The following FAT3 variants were observed in gnomAD, a reference collection of about 807,000 sequenced individuals.
FAT3 encodes the protein protocadherin Fat 3.
Under a neutral mutation model 310.2 loss-of-function variants are expected in FAT3, and 95 were observed. The ratio of observed to expected loss-of-function variants is 0.31; its 90% confidence interval spans 0.26 to 0.36. The LOEUF is 0.36. Ranked by LOEUF, FAT3 falls within the 10% of genes least tolerant of loss-of-function variation. The pLI is 1.00. For missense variants in FAT3, 5,408 were observed against 5,715.6 expected, an observed-to-expected ratio of 0.95 and a Z score of 1.74; for synonymous variants, 2,314 against 2,192.9, an observed-to-expected ratio of 1.06 and a Z score of -1.54.
chr11:92,791,096 C>A (rs962654112), intron 8 of FAT3, among the ~76,000 whole-genome samples: 9 of 152,170 alleles, frequency 5.9e-5, no homozygotes, highest in Admixed American at 5.9e-4. Flanking sequence ...CCTTCCCCAA[C>A]AAGAGGAAGC....
chr11:92,389,379 G>A (rs1347574404), intron 2 of FAT3, among the ~76,000 whole-genome samples: 1 of 152,148 alleles, frequency 6.6e-6, no homozygotes, highest in South Asian at 2.1e-4. Flanking sequence ...CTGTCCTGAT[G>A]TCAGGCTAAG....
chr11:92,594,547 T>C (rs1014124954), intron 3 of FAT3, among the ~76,000 whole-genome samples: 2 of 152,180 alleles, frequency 1.3e-5, no homozygotes, highest in African/African-American at 2.4e-5. Flanking sequence ...CCTTAGTCAT[T>C]CATTTATTTA....
intron 3 of FAT3, among the ~76,000 whole-genome samples, chr11:92,634,229 C>G (rs1296467974): frequency 6.6e-6 from 1 of 152,148 alleles, no homozygotes; most frequent in African/African-American, 2.4e-5. Context: ...TCTGACCTAC[C>G]AGGATTTCTT....
chr11:92,332,735 G>A (rs1269542030), intron 1 of FAT3, among the ~76,000 whole-genome samples: 1 of 151,950 alleles, frequency 6.6e-6, no homozygotes, highest in East Asian at 1.9e-4. Flanking sequence ...TGTATTTAAG[G>A]CATACATGAT....
intron 1 of FAT3, among the ~76,000 whole-genome samples, chr11:92,229,492 G>GGTTTTTTTTTTTTTTTTTTTTTT (rs1555062544): frequency 1.7e-5 from 1 of 60,236 alleles, no homozygotes; most frequent in African/African-American, 5.9e-5. Flanking sequence ...GTTTTTTCGT[G>GGTTTTTTTTTTTTTTTTTTTTTT]TTTTTTTTTT....
At chr11:92,805,778 G>A (rs1214872476) in intron 11 of FAT3, among the ~76,000 whole-genome samples, 2 of 152,072 alleles carry the variant, frequency 1.3e-5, no homozygotes, top group South Asian at 2.1e-4. Flanking sequence ...TTATGAAGTG[G>A]CCTTTCTACT....
At chr11:92,379,652 C>T (rs191969992) in intron 2 of FAT3, among the ~76,000 whole-genome samples, 1 of 151,392 alleles carries the variant, frequency 6.6e-6, no homozygotes, top group Non-Finnish European at 1.5e-5. Context: ...TGTGGGTTAT[C>T]TTGGATTTGG....
At chr11:92,628,669 T>C (rs551699239) in intron 3 of FAT3, among the ~76,000 whole-genome samples, 1 of 152,342 alleles carries the variant, frequency 6.6e-6, no homozygotes, top group Admixed American at 6.5e-5. Flanking sequence ...AGGCGGTGTT[T>C]CCATGGAAAA....
intron 18 of FAT3, among the ~76,000 whole-genome samples, chr11:92,842,176 G>T (rs1411374117): frequency 6.6e-6 from 1 of 152,212 alleles, no homozygotes; most frequent in African/African-American, 2.4e-5. Context: ...TACAGAAAAT[G>T]ATTGCTGATC....
At chr11:92,258,946 T>G (rs1257274493) in intron 1 of FAT3, among the ~76,000 whole-genome samples, 1 of 150,056 alleles carries the variant, frequency 6.7e-6, no homozygotes, top group Non-Finnish European at 1.5e-5. Context: ...AGGGGTTAGA[T>G]GGCAAGGAGA....
intron 22 of FAT3, among the ~76,000 whole-genome samples, chr11:92,868,525 C>T (rs1267262139): frequency 2.0e-5 from 3 of 152,158 alleles, no homozygotes; most frequent in Admixed American, 6.5e-5. Flanking sequence ...GCTAGTTTTT[C>T]ACCAGGCAAA....
intron 3 of FAT3, among the ~76,000 whole-genome samples, chr11:92,560,904 A>C (rs940267234): frequency 6.6e-5 from 10 of 152,170 alleles, no homozygotes; most frequent in Admixed American, 1.3e-4. Context: ...GGCCTTATAA[A>C]AGTATTTCTG....
chr11:92,769,617 C>A (rs1946411083), intron 6 of FAT3, among the ~76,000 whole-genome samples: 1 of 152,212 alleles, frequency 6.6e-6, no homozygotes, highest in South Asian at 2.1e-4. Context: ...TAGCTTTTCA[C>A]CTGACTTAGG....
In FAT3 at chr11:92,883,238, A is replaced by G. The variant is rs781541359; in HGVS notation, c.12782A>G (p.Gln4261Arg). The change falls in exon 24 of 28, where the codon CAG becomes CGG. Residue 4261 changes from glutamine (Q) to arginine (R), a missense_variant. Gln to Arg is a conservative substitution (Grantham distance 43, BLOSUM62 1). This residue lies in a region of FAT3 where 649 missense variants were observed against 666.2 expected (regional missense o/e 0.97). Coordinates refer to ENST00000525166, the MANE Select transcript of FAT3 (RefSeq NM_001367949.2). This position sits in a 1 kb window ranked among gnomAD's most constrained non-coding sequence, Gnocchi z 4.2. Reference sequence around the variant, plus strand: ...GTGGACGGGCTGGGAGGCGAGCACCAGGAAATGACCACGTTTCACCCTGAG... The same window carrying G: ...GTGGACGGGCTGGGAGGCGAGCACCGGGAAATGACCACGTTTCACCCTGAG... ...KIVDGLGGEH[Q>R]EMTTFHPESP... The G allele has an allele frequency of 6.2e-7, 1 of 1,613,052 alleles. No homozygotes were observed. Among genetic ancestry groups the G allele is most frequent in the Admixed American group, 1.7e-5 (1 of 60,028 alleles).
At chr11:92,442,473 T>C (rs1951098442) in intron 2 of FAT3, among the ~76,000 whole-genome samples, 1 of 151,718 alleles carries the variant, frequency 6.6e-6, no homozygotes, top group Non-Finnish European at 1.5e-5. Context: ...AATAAGTATA[T>C]AAATAAATAA....
intron 3 of FAT3, among the ~76,000 whole-genome samples, chr11:92,631,510 G>T (rs1941557749): frequency 6.6e-6 from 1 of 151,920 alleles, no homozygotes; most frequent in African/African-American, 2.4e-5. Context: ...GACATCTGAT[G>T]GTTTTATAAA....
chr11:92,700,953 C>G (rs966458194), intron 4 of FAT3, among the ~76,000 whole-genome samples: 1 of 151,978 alleles, frequency 6.6e-6, no homozygotes, highest in African/African-American at 2.4e-5. Context: ...TTAACTTAGT[C>G]CTGCAGAAAA....
chr11:92,367,941 G>C (rs1255653379), intron 2 of FAT3, among the ~76,000 whole-genome samples: 1 of 152,198 alleles, frequency 6.6e-6, no homozygotes, highest in East Asian at 1.9e-4. Context: ...ATACTATTGC[G>C]AATGCCTGCT....
chr11:92,433,292 T>C (rs1300024823), intron 2 of FAT3, among the ~76,000 whole-genome samples: 1 of 152,070 alleles, frequency 6.6e-6, no homozygotes. Context: ...GAAAAAAAAC[T>C]CCTGCTGCTA....
Sources: allele counts gnomAD v4.1 joint callset (sites outside exome capture counted in the v4.1 genomes callset), GRCh38; gene constraint gnomAD v4.1.1; regional missense constraint gnomAD v4.1.1; non-coding constraint Gnocchi (gnomAD v3.1); transcripts MANE v1.5; gene names NCBI Gene and HGNC (gene_info 2026-07-23, HGNC 2026-07-21).